The following PMAIP1 variants were observed in gnomAD, a reference collection of about 807,000 sequenced individuals.
PMAIP1 encodes the protein PMA-induced protein 1.
A neutral mutation model predicts 3.7 loss-of-function variants in PMAIP1; 3 were observed. The observed-to-expected ratio is 0.82, with a 90% CI of 0.37 to 2.12. PMAIP1 has a LOEUF of 2.12. Ranked by LOEUF, PMAIP1 falls within the 30% of genes most tolerant of loss-of-function variation. The pLI is 0.06. For missense variants in PMAIP1, 77 were observed against 67.1 expected (o/e 1.15, Z -0.52); for synonymous variants, 29 against 26.2 (o/e 1.11, Z -0.32).
At chr18:59,900,292 C>A (rs1005749042) in intron 1 of PMAIP1, 57 bp downstream of exon 1, 7 of 1,525,624 alleles carry the variant, frequency 4.6e-6, no homozygotes, top group Non-Finnish European at 6.2e-6. Flanking sequence ...GGGCCGGGGT[C>A]GAGGTCTCGG....
Position 59,902,776 on chromosome 18 carries a change from G to A in PMAIP1, c.*23G>A, listed in dbSNP as rs369661307. 1.2e-6 allele frequency: 2 copies of A among 1,614,098 alleles called. No individual in the cohort carries two copies. The highest frequency in any genetic ancestry group is 1.7e-5 in the Admixed American group (1 of 60,016). ...TGACTGCATCAAAAACTTGCATGAGGGGACTCCTTCAAAAGAGTTTTCTCA... is the reference window on the plus strand; with the variant it reads ...TGACTGCATCAAAAACTTGCATGAGAGGACTCCTTCAAAAGAGTTTTCTCA... On this transcript the variant is annotated 3_prime_UTR_variant, in exon 2 of 2. Transcript: ENST00000316660.
intron 1 of PMAIP1, 46 bp from the exon 2 acceptor site, chr18:59,902,601 T>C (rs772731006): frequency 1.3e-6 from 2 of 1,511,404 alleles, no homozygotes; most frequent in African/African-American, 1.4e-5. Flanking sequence ...GGTTACAGTC[T>C]GTAATATCAT....
chr18:59,900,635 C>A, intron 1 of PMAIP1: 1 of 1,529,328 alleles, frequency 6.5e-7, no homozygotes, highest in Non-Finnish European at 8.8e-7. Flanking sequence ...CAGGAGAGAG[C>A]CCCGGGGACC....
At chr18:59,900,355 G>C in intron 1 of PMAIP1, 120 bp downstream of exon 1, 3 of 1,531,802 alleles carry the variant, frequency 2.0e-6, no homozygotes, top group Non-Finnish European at 1.8e-6. Context: ...CGGGGGTCAA[G>C]GTCGGGCCAG....
At chr18:59,901,639 T>A (rs928751240) in intron 1 of PMAIP1, among the ~76,000 whole-genome samples, 13 of 152,216 alleles carry the variant, frequency 8.5e-5, no homozygotes, top group Non-Finnish European at 1.8e-4. Context: ...AAATACGGTA[T>A]TTTCAGGGTC....
intron 1 of PMAIP1, chr18:59,900,514 C>CT: frequency 6.4e-7 from 1 of 1,550,544 alleles, no homozygotes; most frequent in Non-Finnish European, 8.7e-7. Flanking sequence ...CAAAAAGCTC[C>CT]TTTCCTCCTC....
intron 1 of PMAIP1, among the ~76,000 whole-genome samples, chr18:59,900,973 C>G (rs1302190457): frequency 6.6e-6 from 1 of 152,074 alleles, no homozygotes; most frequent in Non-Finnish European, 1.5e-5. Flanking sequence ...TTTTAAGTTA[C>G]TTTCATTTTA....
Sources: allele counts gnomAD v4.1 joint callset (sites outside exome capture counted in the v4.1 genomes callset), GRCh38; gene constraint gnomAD v4.1.1; transcripts MANE v1.5; gene names NCBI Gene and HGNC (gene_info 2026-07-23, HGNC 2026-07-21).